Variants in ARHGAP26 observed in about 807,000 individuals in gnomAD.
ARHGAP26 encodes Rho GTPase activating protein 26, also known as rho GTPase-activating protein 26.
ARHGAP26 carries 38 observed loss-of-function variants against 104.8 expected under a neutral mutation model. That is an observed-to-expected ratio of 0.36 (90% CI 0.28 to 0.48). The LOEUF (loss-of-function observed/expected upper bound fraction) is 0.48. ARHGAP26 is among the 20% of genes least tolerant of loss of function. The pLI is 0.99. For synonymous variants in ARHGAP26, 341 were observed against 340.0 expected (o/e 1.00, Z -0.03); for missense variants, 704 against 947.9 (o/e 0.74, Z 3.38).
In ARHGAP26 at chr5:142,985,862, T is replaced by A. The variant is rs528447096; in HGVS notation, c.1108-28218T>A. Among the ~76,000 whole-genome samples, 75 of 152,238 alleles carry A rather than the reference T, an allele frequency of 4.9e-4. 1 individual carries two copies. The highest frequency in any genetic ancestry group is 4.6e-3 in the Admixed American group (70 of 15,288). On this transcript the variant is annotated intron_variant, in intron 11 of 22. Coordinates refer to ENST00000645722, the MANE Select transcript of ARHGAP26 (RefSeq NM_001135608.3). ...CATCCTTTTTTATGGCTGCATAGTA[T>A]TCCATGGTGTATATGTGCCACATTT...
chr5:143,178,946 T>C (rs1392135245), intron 20 of ARHGAP26, among the ~76,000 whole-genome samples: 2 of 152,104 alleles, frequency 1.3e-5, no homozygotes, highest in Non-Finnish European at 2.9e-5. Context: ...CTGGGCTCAC[T>C]GCAACTTCCG....
intron 8 of ARHGAP26, among the ~76,000 whole-genome samples, chr5:142,907,116 T>G (rs1761212267): frequency 1.3e-5 from 2 of 152,228 alleles, no homozygotes; most frequent in African/African-American, 2.4e-5. Context: ...ATGTGGGCAT[T>G]GACAGTCACT....
chr5:142,891,355 A>G lies in ARHGAP26; in HGVS notation c.487-2883A>G, dbSNP rs186577778. Among the ~76,000 whole-genome samples, 71 of 152,102 alleles carry G rather than the reference A, an allele frequency of 4.7e-4. 1 individual carries two copies. The East Asian group carries it at 6.7e-3, about 14-fold the overall frequency. On this transcript the variant is annotated intron_variant, in intron 5 of 22. Coordinates refer to ENST00000645722, the MANE Select transcript of ARHGAP26 (RefSeq NM_001135608.3). ...TTAGCCTTTCAGATTGGTTTGATCC[A>G]GCAGTTACTCAGCAGACTGGCTTTT...
intron 1 of ARHGAP26, among the ~76,000 whole-genome samples, chr5:142,836,833 A>G (rs1597839602): frequency 6.6e-6 from 1 of 152,232 alleles, no homozygotes; most frequent in Non-Finnish European, 1.5e-5. Context: ...AAACAGTTTT[A>G]TGAGATTGGT....
chr5:142,931,417 G>C (rs1361948991), intron 10 of ARHGAP26, among the ~76,000 whole-genome samples: 1 of 152,172 alleles, frequency 6.6e-6, no homozygotes, highest in East Asian at 1.9e-4. Flanking sequence ...CTCAGTTTTA[G>C]AGAGCAAGCA....
chr5:143,146,481 A>G (rs937919018), intron 19 of ARHGAP26, among the ~76,000 whole-genome samples: 1 of 152,246 alleles, frequency 6.6e-6, no homozygotes, highest in African/African-American at 2.4e-5. Flanking sequence ...ATAGCCAGTC[A>G]GGGCTTGAAG....
intron 11 of ARHGAP26, among the ~76,000 whole-genome samples, chr5:143,005,210 G>A (rs1777771292): frequency 6.6e-6 from 1 of 152,152 alleles, no homozygotes; most frequent in Non-Finnish European, 1.5e-5. Context: ...AGATAAAAGG[G>A]CTCAAATGAT....
At chr5:142,865,478 GTTT>G (rs35950662) in intron 1 of ARHGAP26, among the ~76,000 whole-genome samples, 10,603 of 116,844 alleles carry the variant, frequency 0.091, 309 homozygotes, top group East Asian at 0.25. Context: ...ACACGGAGAA[GTTT>G]TTTTTTTTTT....
intron 11 of ARHGAP26, among the ~76,000 whole-genome samples, chr5:142,948,586 A>C (rs969711053): frequency 6.6e-6 from 1 of 151,540 alleles, no homozygotes; most frequent in Non-Finnish European, 1.5e-5. Flanking sequence ...CTACTTATTG[A>C]TAGTTAACAA....
chr5:142,979,813 G>A (rs993884291), intron 11 of ARHGAP26, among the ~76,000 whole-genome samples: 4 of 152,350 alleles, frequency 2.6e-5, no homozygotes, highest in Non-Finnish European at 4.4e-5. Flanking sequence ...TGTTGTGGGC[G>A]TGCCAGAGGG....
chr5:143,106,119 A>T (rs887392763), intron 17 of ARHGAP26, among the ~76,000 whole-genome samples: 1 of 152,110 alleles, frequency 6.6e-6, no homozygotes, highest in African/African-American at 2.4e-5. Flanking sequence ...CTTAATGATT[A>T]CTTAGCTCTT....
chr5:142,824,936 G>T (rs959322890), intron 1 of ARHGAP26, among the ~76,000 whole-genome samples: 1 of 152,180 alleles, frequency 6.6e-6, no homozygotes, highest in Admixed American at 6.5e-5. Flanking sequence ...AGGCAGAGAA[G>T]GGAGAAAATG....
intron 1 of ARHGAP26, among the ~76,000 whole-genome samples, chr5:142,842,308 T>G (rs1205895673): frequency 6.6e-6 from 1 of 152,232 alleles, no homozygotes; most frequent in Non-Finnish European, 1.5e-5. Flanking sequence ...TTGAAATTGT[T>G]CTTGAAAAGA....
At position 142,871,991 on chromosome 5, in the gene ARHGAP26, A is replaced by G. The variant is rs1755379366; in HGVS notation, c.155-1409A>G. The stretch of plus-strand genomic sequence containing the variant: ...GCGTGTGGGAGGGCAGTCCAGGAGC[A>G]GGAGCTGCAGCTGCTGTCCATGCAG... On this transcript the variant is annotated intron_variant, in intron 1 of 22. Coordinates refer to ENST00000645722, the MANE Select transcript of ARHGAP26 (RefSeq NM_001135608.3). This position sits in a 1 kb window ranked among gnomAD's most constrained non-coding sequence, Gnocchi z 4.1. Among the ~76,000 whole-genome samples the G allele has an allele frequency of 6.6e-6, 1 of 152,226 alleles. No individual in the cohort carries two copies.
At chr5:142,972,230 A>C (rs1162477517) in intron 11 of ARHGAP26, among the ~76,000 whole-genome samples, 1 of 151,780 alleles carries the variant, frequency 6.6e-6, no homozygotes. Context: ...GAGGAAGAGC[A>C]AGTCAGAAGC....
intron 1 of ARHGAP26, among the ~76,000 whole-genome samples, chr5:142,785,284 CT>C (rs1758347576): frequency 6.6e-6 from 1 of 152,228 alleles, no homozygotes; most frequent in Non-Finnish European, 1.5e-5. Flanking sequence ...GCCACATACC[CT>C]TTTCCTTCAG....
At chr5:143,045,661 C>A (rs1394936154) in intron 14 of ARHGAP26, among the ~76,000 whole-genome samples, 1 of 152,212 alleles carries the variant, frequency 6.6e-6, no homozygotes, top group African/African-American at 2.4e-5. Flanking sequence ...TTTGGTTTAT[C>A]TGTCCAAGGC....
At chr5:143,211,408 C>T (rs532648274) in intron 21 of ARHGAP26, among the ~76,000 whole-genome samples, 2 of 152,230 alleles carry the variant, frequency 1.3e-5, no homozygotes, top group South Asian at 4.1e-4. Context: ...ACAGGAATGG[C>T]CCCCTTTAAA....
intron 11 of ARHGAP26, among the ~76,000 whole-genome samples, chr5:142,942,632 C>G (rs1766530642): frequency 6.6e-6 from 1 of 152,338 alleles, no homozygotes; most frequent in South Asian, 2.1e-4. Context: ...TGTATCCTCT[C>G]TCTAGACCTC....
Sources: gnomAD v4.1 joint callset for allele counts (sites outside exome capture counted in the v4.1 genomes callset) on GRCh38, gnomAD v4.1.1 for gene constraint, Gnocchi (gnomAD v3.1) non-coding constraint, MANE v1.5 for transcripts, NCBI Gene and HGNC (gene_info 2026-07-23, HGNC 2026-07-21) for gene names.